Variants in ERG observed in about 807,000 individuals in gnomAD.
ERG encodes the protein ETS transcription factor ERG, also known as transcriptional regulator ERG.
ERG carries 9 observed loss-of-function variants against 55.3 expected under a neutral mutation model. The ratio of observed to expected loss-of-function variants is 0.16; its 90% CI spans 0.10 to 0.28. ERG has a LOEUF of 0.28. ERG is among the 10% of genes least tolerant of loss of function. The probability of loss-of-function intolerance (pLI) is 1.00; values close to 1 mark genes in which losing one functional copy is unlikely to be tolerated. For synonymous variants in ERG, 223 were observed against 237.3 expected (o/e 0.94, Z 0.55); for missense variants, 434 against 631.6 (o/e 0.69, Z 3.35).
rs77077859 is a variant in ERG, at chr21:38,505,191, T to C, written c.-41+70471A>G. On this transcript the variant is annotated intron_variant, in intron 2 of 8. Coordinates refer to the ERG transcript ENST00000398897. The stretch of plus-strand genomic sequence containing the variant: ...TGCCACAAATTCATTTATATTTGCA[T>C]GAGTATCACCAGGCTACCTGCGGAT... Among the ~76,000 whole-genome samples the C allele has an allele frequency of 2.9e-3, 445 of 152,330 alleles. 2 individuals are homozygous for C. Among genetic ancestry groups the C allele is most frequent in the Non-Finnish European group, 5.2e-3 (352 of 68,038 alleles).
chr21:38,386,217 A>G (rs887434367), intron 9 of ERG, among the ~76,000 whole-genome samples: 4 of 152,240 alleles, frequency 2.6e-5, no homozygotes, highest in African/African-American at 9.6e-5. Flanking sequence ...CCCAGTAGCC[A>G]TAAAGACATA....
chr21:38,536,250 A>G (rs373752978), intron 2 of ERG, among the ~76,000 whole-genome samples: 122 of 152,164 alleles, frequency 8.0e-4, no homozygotes, highest in African/African-American at 2.9e-3. Context: ...AGCCCACCAG[A>G]GTCATCAAGC....
intron 1 of ERG, among the ~76,000 whole-genome samples, chr21:38,491,384 A>G (rs974916378): frequency 5.3e-5 from 8 of 152,188 alleles, no homozygotes; most frequent in African/African-American, 1.9e-4. Flanking sequence ...TAAATTTAAA[A>G]AACAAAAAAA....
chr21:38,503,561 C>T (rs1185708085), intron 2 of ERG, among the ~76,000 whole-genome samples: 1 of 152,104 alleles, frequency 6.6e-6, no homozygotes, highest in Non-Finnish European at 1.5e-5. Context: ...AAGCCTATCT[C>T]AGTCTCCTCA....
At chr21:38,524,232 T>C (rs953480008) in intron 2 of ERG, among the ~76,000 whole-genome samples, 1 of 152,188 alleles carries the variant, frequency 6.6e-6, no homozygotes, top group Admixed American at 6.5e-5. Context: ...TTAATTACAG[T>C]GTCAAAAATC....
At chr21:38,464,443 TTTCA>T (rs2059070655) in intron 1 of ERG, among the ~76,000 whole-genome samples, 1 of 152,260 alleles carries the variant, frequency 6.6e-6, no homozygotes, top group Non-Finnish European at 1.5e-5. Flanking sequence ...AGCAATTTCA[TTTCA>T]TTAATACAAT....
chr21:38,382,672 CCTT>C lies in ERG; in HGVS notation c.*728_*730del, dbSNP rs1987502843. The stretch of plus-strand genomic sequence containing the variant: ...GTTTCTTTCCCAGCCCTGGTCTCCT[CCTT>C]CTCTGCCTCTTCCTCCTCCTTCTTC... On this transcript the variant is annotated 3_prime_UTR_variant, in exon 10 of 10. Transcript: ENST00000288319. 9.4e-7 allele frequency: 1 copy of C among 1,067,184 alleles called. No homozygotes were observed. Among genetic ancestry groups the C allele is most frequent in the Non-Finnish European group, 1.1e-6 (1 of 880,216 alleles). 66.1% of individuals were successfully genotyped at this position (1,067,184 alleles called of 1,614,324 possible). A position where few individuals can be genotyped will look rare whatever the true frequency, so the allele number is the denominator to read the frequency against.
chr21:38,643,267 GTTTT>G (rs1296956483), intron 1 of ERG, among the ~76,000 whole-genome samples: 2 of 152,144 alleles, frequency 1.3e-5, no homozygotes, highest in African/African-American at 2.4e-5. Flanking sequence ...CCAAAATTAG[GTTTT>G]ACTACCTATA....
intron 1 of ERG, among the ~76,000 whole-genome samples, chr21:38,648,005 T>C (rs2060466966): frequency 6.6e-6 from 1 of 152,272 alleles, no homozygotes; most frequent in African/African-American, 2.4e-5. Flanking sequence ...GGACATCTTA[T>C]TTCATGTTAA....
chr21:38,615,645 A>T (rs550076139), intron 1 of ERG, among the ~76,000 whole-genome samples: 1 of 150,068 alleles, frequency 6.7e-6, no homozygotes, highest in Non-Finnish European at 1.5e-5. Flanking sequence ...TAGTATGTAG[A>T]AGCATAGAAT....
At position 38,383,096 on chromosome 21, in the gene ERG, C is replaced by A. The variant is rs571270770; in HGVS notation, c.*307G>T. 3.5e-6 allele frequency: 4 copies of A among 1,134,798 alleles called. No homozygotes were observed. Among genetic ancestry groups the A allele is most frequent in the South Asian group, 4.3e-5 (1 of 23,154 alleles). The allele number at this position is 1,134,798 out of a possible 1,614,324, so 70.3% of individuals were successfully genotyped here. On this transcript the variant is annotated 3_prime_UTR_variant, in exon 10 of 10. Transcript: ENST00000288319. This position sits in a 1 kb window ranked among gnomAD's most constrained non-coding sequence, Gnocchi z 5.7. ...ACTCTACTCTAAAGTTTATACATTT[C>A]TTAAGACCACTTTCTTTGGCACTTT...
At chr21:38,461,021 T>G (rs13051211) in intron 1 of ERG, among the ~76,000 whole-genome samples, 4 of 152,226 alleles carry the variant, frequency 2.6e-5, no homozygotes, top group Admixed American at 6.5e-5. Context: ...GGAAGCAGCA[T>G]GGGCCTTATT....
chr21:38,504,251 G>C (rs2059443698), intron 2 of ERG, among the ~76,000 whole-genome samples: 1 of 152,076 alleles, frequency 6.6e-6, no homozygotes, highest in Non-Finnish European at 1.5e-5. Context: ...TAATACTGAA[G>C]CACACGTCAG....
Position 38,382,582 on chromosome 21 carries a change from G to A in ERG, c.*821C>T, listed in dbSNP as rs1380515837. ...TATAACACTGACTGCATGAACCCTC[G>A]AGTCTCCATAACTCATTGTACACAG... On this transcript the variant is annotated 3_prime_UTR_variant, in exon 10 of 10. Transcript: ENST00000288319. The A allele has an allele frequency of 5.6e-6, 6 of 1,065,678 alleles. No homozygotes were observed. Among genetic ancestry groups the A allele is most frequent in the Admixed American group, 5.3e-5 (1 of 18,720 alleles). 66.0% of individuals were successfully genotyped at this position (1,065,678 alleles called of 1,614,324 possible).
intron 1 of ERG, among the ~76,000 whole-genome samples, chr21:38,622,436 C>A (rs77496968): frequency 0.046 from 6,829 of 149,196 alleles, 222 homozygotes; most frequent in African/African-American, 0.094. Flanking sequence ...ACACACACAC[C>A]CCCCACACAT....
intron 1 of ERG, among the ~76,000 whole-genome samples, chr21:38,491,931 G>A (rs1413392410): frequency 6.6e-6 from 1 of 152,200 alleles, no homozygotes; most frequent in East Asian, 1.9e-4. Context: ...CTAGAACTTT[G>A]TTTTGATTAG....
chr21:38,402,710 TA>T, intron 4 of ERG, 73 bp from the exon 5 acceptor site: 1 of 365,720 alleles, frequency 2.7e-6, no homozygotes, highest in Non-Finnish European at 3.8e-6. Context: ...TTACCTTTCT[TA>T]CAAAAAAAAA....
chr21:38,405,739 G>A lies in ERG; in HGVS notation c.389-2030C>T, dbSNP rs145711700. 3.5e-3 allele frequency among the ~76,000 whole-genome samples: 529 copies of A among 152,204 alleles called. 1 individual carries two copies. Among genetic ancestry groups the A allele is most frequent in the Middle Eastern group, 6.8e-3 (2 of 294 alleles). On this transcript the variant is annotated intron_variant, in intron 3 of 9. Transcript: ENST00000288319. ...ATTTTCACATGAAACCTGGGGACAC[G>A]CTGGCCTTGGCTGAGTACCTAGATA...
intron 1 of ERG, among the ~76,000 whole-genome samples, chr21:38,601,777 C>T (rs1462551601): frequency 6.6e-6 from 1 of 152,138 alleles, no homozygotes; most frequent in Non-Finnish European, 1.5e-5. Flanking sequence ...CAGTTTTCTC[C>T]TAGAAGCAAC....
Sources: allele counts gnomAD v4.1 joint callset (sites outside exome capture counted in the v4.1 genomes callset), GRCh38; gene constraint gnomAD v4.1.1; non-coding constraint Gnocchi (gnomAD v3.1); transcripts MANE v1.5; gene names NCBI Gene and HGNC (gene_info 2026-07-23, HGNC 2026-07-21).